The following LIPA variants were observed in gnomAD, a reference collection of about 807,000 sequenced individuals.
LIPA encodes the protein lipase A, lysosomal acid type.
Under a neutral mutation model 40.6 loss-of-function variants are expected in LIPA, and 26 were observed. The observed-to-expected ratio is 0.64, with a 90% CI of 0.47 to 0.89. The LOEUF is 0.89. Among genes scored for constraint, LIPA ranks in the 40% least tolerant of loss-of-function variants. LIPA has a pLI of 0.00. For missense variants in LIPA, 455 were observed against 479.6 expected, an observed-to-expected ratio of 0.95 and a Z score of 0.48; for synonymous variants, 188 against 168.4, an observed-to-expected ratio of 1.12 and a Z score of -0.90.
intron 3 of LIPA, among the ~76,000 whole-genome samples, chr10:89,244,434 AC>A (rs1337925715): frequency 1.3e-5 from 2 of 152,132 alleles, no homozygotes; most frequent in Non-Finnish European, 2.9e-5. Context: ...CTTAATCTAA[AC>A]CTTAATTTCC....
rs550092002 is a variant in LIPA, at chr10:89,276,904, G to A, written c.-1-29255C>T. ...CTAAATAATGGCTAGAGGAGCTAGC[G>A]AGTGGCAGGTCTGAGGTCGAACGAA... On this transcript the variant is annotated intron_variant, in intron 1 of 5. Coordinates refer to the LIPA transcript ENST00000282673. Among the ~76,000 whole-genome samples the A allele has an allele frequency of 3.3e-5, 5 of 152,272 alleles. No homozygotes were observed. In the East Asian group the frequency reaches 5.8e-4, roughly 18 times the overall value.
intron 1 of LIPA, among the ~76,000 whole-genome samples, chr10:89,275,230 A>T (rs991420189): frequency 1.3e-5 from 2 of 152,194 alleles, no homozygotes; most frequent in Admixed American, 1.3e-4. Context: ...GAACCACAGA[A>T]TACTATGGCC....
chr10:89,298,205 G>A (rs576549878), intron 1 of LIPA, among the ~76,000 whole-genome samples: 1 of 152,232 alleles, frequency 6.6e-6, no homozygotes, highest in Admixed American at 6.5e-5. Context: ...AGCTATCTGG[G>A]GGCCCAGGAA....
chr10:89,307,380 T>C (rs1564782280), intron 1 of LIPA: 5 of 1,589,108 alleles, frequency 3.1e-6, no homozygotes, highest in Admixed American at 3.5e-5. Flanking sequence ...GAATGAAGAA[T>C]AGAGATGTGG....
In LIPA at chr10:89,400,956, G is replaced by GTT. The variant is rs151176238; in HGVS notation, c.61+11833_61+11834dup. Among the ~76,000 whole-genome samples, 1,099 of 146,636 alleles carry GTT rather than the reference G, an allele frequency of 7.5e-3. 12 individuals are homozygous for GTT. Among genetic ancestry groups the GTT allele is most frequent in the African/African-American group, 0.025 (1,004 of 40,516 alleles). ...CCCCTGTATTAGTAGTCTATAGTCT[G>GTT]TTTTTTTTTTCATAAAGGGTGTTGA... On this transcript the variant is annotated intron_variant, in intron 2 of 8. Transcript: ENST00000371837.
chr10:89,378,292 A>C (rs1013935014), intron 2 of LIPA: 2 of 729,856 alleles, frequency 2.7e-6, no homozygotes, highest in Non-Finnish European at 4.8e-6. Flanking sequence ...CATGATAACC[A>C]AGAAGAGTTT....
In LIPA at chr10:89,225,205, G is replaced by A; in HGVS notation, c.562C>T (p.Pro188Ser). 1.2e-6 allele frequency: 2 copies of A among 1,614,124 alleles called. No individual in the cohort carries two copies. Among genetic ancestry groups the A allele is most frequent in the Non-Finnish European group, 1.7e-6 (2 of 1,180,002 alleles). Residue 188 changes from proline (P) to serine (S), a missense_variant, in exon 6 of 10, where the codon CCT (proline) becomes TCT (serine). Coordinates refer to ENST00000336233, the MANE Select transcript of LIPA (RefSeq NM_000235.4). ...ATTTTAATCCTTTTAGCCAGCTCAG[G>A]GATCTGTGAAAATGCTATAAAACCT... is the stretch of plus-strand genomic sequence containing the variant. ...TIGFIAFSQI[P>S]ELAKRIKMFF...
rs569886087 is a variant in LIPA, at chr10:89,364,304, T to C, written c.61+48487A>G. Among the ~76,000 whole-genome samples, 5 of 152,312 alleles carry C rather than the reference T, an allele frequency of 3.3e-5. No individual in the cohort carries two copies. In the East Asian group the frequency reaches 5.8e-4, roughly 18 times the overall value. ...CAATCAGACTTCTGAGAATTTGCAA[T>C]TGGAATTGACAACTTCCATTTTCAG... is the stretch of plus-strand genomic sequence containing the variant. On this transcript the variant is annotated intron_variant, in intron 2 of 8. Coordinates refer to the LIPA transcript ENST00000371837.
At chr10:89,394,767 A>T (rs1322621920) in intron 2 of LIPA, among the ~76,000 whole-genome samples, 3 of 151,932 alleles carry the variant, frequency 2.0e-5, no homozygotes, top group African/African-American at 7.3e-5. Context: ...CTGTGCAATC[A>T]TCATCACTAT....
At chr10:89,293,879 A>G (rs1435839371) in intron 1 of LIPA, among the ~76,000 whole-genome samples, 1 of 152,166 alleles carries the variant, frequency 6.6e-6, no homozygotes, top group Non-Finnish European at 1.5e-5. Context: ...TTAGGGCTTC[A>G]ATGATGAATT....
At chr10:89,252,380 A>C (rs946867863), upstream of LIPA, among the ~76,000 whole-genome samples, 2 of 152,228 alleles carry the variant, frequency 1.3e-5, no homozygotes, top group Non-Finnish European at 1.5e-5. Flanking sequence ...GAGGTATAGA[A>C]ACCAACCAAA....
intron 1 of LIPA, among the ~76,000 whole-genome samples, chr10:89,268,656 C>A (rs1255663462): frequency 3.9e-5 from 6 of 152,070 alleles, no homozygotes; most frequent in African/African-American, 1.4e-4. Context: ...TTAATGGTTG[C>A]ATGTATTATT....
chr10:89,395,187 C>G (rs1844323489), intron 2 of LIPA, among the ~76,000 whole-genome samples: 1 of 150,114 alleles, frequency 6.7e-6, no homozygotes, highest in Admixed American at 6.6e-5. Context: ...GACCCCACCC[C>G]CACCCCACAT....
chr10:89,350,142 G>A (rs1320255883), intron 2 of LIPA, among the ~76,000 whole-genome samples: 2 of 152,038 alleles, frequency 1.3e-5, no homozygotes, highest in African/African-American at 4.8e-5. Context: ...TTGTTAAGAT[G>A]CTCAATAAGT....
intron 2 of LIPA, chr10:89,384,596 G>C: frequency 6.2e-7 from 1 of 1,614,184 alleles, no homozygotes; most frequent in Non-Finnish European, 8.5e-7. Context: ...TTGGCTAAAA[G>C]ATGTATTCAC....
At chr10:89,220,692 G>T (rs767148043) in intron 8 of LIPA, among the ~76,000 whole-genome samples, 1 of 152,128 alleles carries the variant, frequency 6.6e-6, no homozygotes, top group Non-Finnish European at 1.5e-5. Context: ...AGGACCAGGA[G>T]CCTCAGGCCA....
At position 89,304,751 on chromosome 10, in the gene LIPA, A is replaced by T. The variant is rs6586180; in HGVS notation, c.-2+37860T>A. On this transcript the variant is annotated intron_variant, in intron 1 of 5. Transcript: ENST00000282673. ...CATTTGTCTGTTCTCTGGGTTTTTT[A>T]GGGGTTTTTTTGTTGTTGTTTTGTT... Among the ~76,000 whole-genome samples, 307 of 151,922 alleles carry T rather than the reference A, an allele frequency of 2.0e-3. 2 individuals carry two copies. Among genetic ancestry groups the T allele is most frequent in the African/African-American group, 4.6e-3 (192 of 41,464 alleles).
At chr10:89,258,150 A>G (rs1044260853) in intron 1 of LIPA, among the ~76,000 whole-genome samples, 3 of 152,240 alleles carry the variant, frequency 2.0e-5, no homozygotes, top group African/African-American at 4.8e-5. Flanking sequence ...TAGACCCCCA[A>G]TTGATTTTTA....
intron 1 of LIPA, among the ~76,000 whole-genome samples, chr10:89,303,009 C>CA (rs11420925): frequency 0.36 from 48,176 of 132,018 alleles, 8,600 homozygotes; most frequent in African/African-American, 0.51. Flanking sequence ...TGCCTGATTT[C>CA]AAAAAAAAAA....
Sources: gnomAD v4.1 joint callset for allele counts (sites outside exome capture counted in the v4.1 genomes callset) on GRCh38, gnomAD v4.1.1 for gene constraint, MANE v1.5 for transcripts, NCBI Gene and HGNC (gene_info 2026-07-23, HGNC 2026-07-21) for gene names.